The following COL4A3 variants were observed in gnomAD, a reference collection of about 807,000 sequenced individuals.
COL4A3 encodes the protein collagen type IV alpha 3 chain, also known as collagen alpha-3(IV) chain.
Under a neutral mutation model 217.4 loss-of-function variants are expected in COL4A3, and 135 were observed. The ratio of observed to expected loss-of-function variants is 0.62; its 90% confidence interval spans 0.54 to 0.72. The LOEUF (loss-of-function observed/expected upper bound fraction) is 0.72, where lower values mean the gene tolerates loss of function less well. Among genes scored for constraint, COL4A3 ranks in the 30% least tolerant of loss-of-function variants. The pLI, the probability that COL4A3 is intolerant of heterozygous loss-of-function variation, is 0.00. For synonymous variants in COL4A3, 690 were observed against 736.3 expected, an observed-to-expected ratio of 0.94 and a Z score of 1.02; for missense variants, 1,868 against 2,119.9, an observed-to-expected ratio of 0.88 and a Z score of 2.33.
Position 227,231,953 on chromosome 2 carries a change from C to A in COL4A3, c.88-6015C>A, listed in dbSNP as rs561507331. Among the ~76,000 whole-genome samples the A allele has an allele frequency of 4.6e-5, 7 of 152,210 alleles. No homozygotes were observed. The South Asian group carries it at 1.2e-3, about 27-fold the overall frequency. On this transcript the variant is annotated intron_variant, in intron 1 of 51. Transcript: ENST00000396578. ...ATTAATCATTCCACCTCCCATCCAA[C>A]CCTTCACTACCCCTCTAAGCTTCTG...
chr2:227,192,214 T>A (rs910616059), intron 1 of COL4A3, among the ~76,000 whole-genome samples: 1 of 151,978 alleles, frequency 6.6e-6, no homozygotes, highest in Non-Finnish European at 1.5e-5. Flanking sequence ...AGGTTCTGAC[T>A]ATCAATTTTG....
At chr2:227,248,149 A>G (rs950678174) in intron 8 of COL4A3, among the ~76,000 whole-genome samples, 6 of 152,184 alleles carry the variant, frequency 3.9e-5, no homozygotes, top group East Asian at 1.9e-4. Flanking sequence ...CATGTTGGCC[A>G]GGCTGGTCTT....
chr2:227,245,616 T>A (rs1034762023), intron 5 of COL4A3: 1 of 384,800 alleles, frequency 2.6e-6, no homozygotes, highest in Non-Finnish European at 4.9e-6. Context: ...TAGCACAGAA[T>A]AATAAAATAG....
intron 21 of COL4A3, chr2:227,265,421 A>T (rs527825095): frequency 6.6e-6 from 1 of 152,342 alleles, no homozygotes; most frequent in Admixed American, 6.5e-5. Context: ...ATTTACTTTC[A>T]TCACCATTGC....
intron 23 of COL4A3, among the ~76,000 whole-genome samples, chr2:227,267,397 C>A (rs190222320): frequency 1.5e-4 from 23 of 152,290 alleles, no homozygotes; most frequent in Admixed American, 3.3e-4. Context: ...AAACACACAC[C>A]CTCTTTCTCT....
chr2:227,176,468 C>T (rs78894159), intron 1 of COL4A3, among the ~76,000 whole-genome samples: 9,612 of 152,118 alleles, frequency 0.063, 361 homozygotes, highest in Admixed American at 0.092. Context: ...CCTTCAGAGC[C>T]ATTTGAAACA....
At chr2:227,169,298 T>C (rs1193188307) in intron 1 of COL4A3, 1 of 151,272 alleles carries the variant, frequency 6.6e-6, no homozygotes, top group Non-Finnish European at 1.5e-5. Context: ...CGTTGTTGGA[T>C]ATTTGGGTTG....
At chr2:227,238,651 CTAAT>C (rs550320089) in intron 2 of COL4A3, among the ~76,000 whole-genome samples, 35 of 152,222 alleles carry the variant, frequency 2.3e-4, no homozygotes, top group Middle Eastern at 3.4e-3. Context: ...CTCAGAGACA[CTAAT>C]TAATTGTTTA....
At chr2:227,188,436 CT>C (rs1236012211) in intron 1 of COL4A3, among the ~76,000 whole-genome samples, 1 of 150,514 alleles carries the variant, frequency 6.6e-6, no homozygotes, top group African/African-American at 2.5e-5. Context: ...ACACAAAATA[CT>C]TTTACATAAC....
At chr2:227,208,598 ACT>A (rs1251320238) in intron 1 of COL4A3, among the ~76,000 whole-genome samples, 1 of 151,416 alleles carries the variant, frequency 6.6e-6, no homozygotes, top group Non-Finnish European at 1.5e-5. Context: ...ATCTTTAAAA[ACT>A]CTGATCCCCA....
intron 23 of COL4A3, chr2:227,268,895 G>A (rs1307612447): frequency 6.6e-6 from 1 of 152,174 alleles, no homozygotes; most frequent in African/African-American, 2.4e-5. Context: ...AAGGGGAGCA[G>A]GTGAGCAGCT....
intron 11 of COL4A3, among the ~76,000 whole-genome samples, chr2:227,252,441 C>T (rs2125928542): frequency 6.6e-6 from 1 of 151,998 alleles, no homozygotes; most frequent in South Asian, 2.1e-4. Context: ...GTCTCAAACT[C>T]CCGACCTCAG....
In COL4A3 at chr2:227,277,435, T is replaced by C; in HGVS notation, c.2021-14T>C. On this transcript the variant is annotated splice_polypyrimidine_tract_variant and intron_variant, in intron 27 of 51. Transcript: ENST00000396578. ...TTGCTGATGTGGAGATGCATATGTG[T>C]ATTTGTTTCTAAGGTATCCCTGGAT... The C allele has an allele frequency of 6.5e-7, 1 of 1,536,126 alleles. No individual in the cohort carries two copies. Among genetic ancestry groups the C allele is most frequent in the Non-Finnish European group, 9.0e-7 (1 of 1,112,144 alleles).
At chr2:227,284,493 C>A in intron 34 of COL4A3, 148 bp downstream of exon 34, 4 of 874,964 alleles carry the variant, frequency 4.6e-6, no homozygotes, top group Admixed American at 2.0e-5. Flanking sequence ...GGTGGCTGAG[C>A]AGGCCTTAGA....
In COL4A3 at chr2:227,234,372, T is replaced by C. The variant is rs577527149; in HGVS notation, c.88-3596T>C. Among the ~76,000 whole-genome samples, 21 of 152,340 alleles carry C rather than the reference T, an allele frequency of 1.4e-4. No homozygotes were observed. In the South Asian group the frequency reaches 4.3e-3, roughly 32 times the overall value. On this transcript the variant is annotated intron_variant, in intron 1 of 51. Transcript: ENST00000396578. Reference sequence around the variant, plus strand: ...CAACTAATAAATAATTAGGCTTGTGTTAATTTTAACGTGTGTTAAAATAGC... The same window carrying C: ...CAACTAATAAATAATTAGGCTTGTGCTAATTTTAACGTGTGTTAAAATAGC...
chr2:227,220,166 T>TG (rs528091209), intron 1 of COL4A3, among the ~76,000 whole-genome samples: 29 of 115,110 alleles, frequency 2.5e-4, no homozygotes, highest in African/African-American at 8.7e-4. Flanking sequence ...GTGTGTGTGT[T>TG]TCAGAGACAA....
Position 227,305,030 on chromosome 2 carries a change from G to A in COL4A3, c.4199G>A (p.Gly1400Glu), listed in dbSNP as rs1369737800. 15 of 1,613,988 alleles carry A rather than the reference G, an allele frequency of 9.3e-6. No homozygotes were observed. The South Asian group carries it at 1.6e-4, about 18-fold the overall frequency. ...RGKPGKDGKP[G>E]TPGPAGEKGN... ...AAGCCAGGCAAGGATGGAAAACCAG[G>A]AACTCCTGGACCAGCTGGAGAAAAA... The change falls in exon 47 of 52, where the codon GGA becomes GAA. Residue 1400 changes from glycine to glutamate, a missense_variant. Physicochemically the swap from Gly to Glu is moderately conservative, Grantham distance 98 (BLOSUM62 -2). Transcript: ENST00000396578.
chr2:227,283,534 T>C (rs2072116880), intron 32 of COL4A3, among the ~76,000 whole-genome samples: 1 of 152,260 alleles, frequency 6.6e-6, no homozygotes, highest in Non-Finnish European at 1.5e-5. Flanking sequence ...CTTCCACATA[T>C]GCTATCCTCA....
chr2:227,201,142 A>G (rs1469305548), intron 1 of COL4A3, among the ~76,000 whole-genome samples: 2 of 152,174 alleles, frequency 1.3e-5, no homozygotes, highest in Non-Finnish European at 2.9e-5. Context: ...TTTACAGCTA[A>G]TCAGCTCAAG....
Sources: gnomAD v4.1 joint callset for allele counts (sites outside exome capture counted in the v4.1 genomes callset) on GRCh38, gnomAD v4.1.1 for gene constraint, MANE v1.5 for transcripts, NCBI Gene and HGNC (gene_info 2026-07-23, HGNC 2026-07-21) for gene names.